Variants in CMTM5 observed in about 807,000 individuals in gnomAD.
CMTM5 encodes CKLF-like MARVEL transmembrane domain-containing protein 5.
In CMTM5, 25 loss-of-function variants were observed where a neutral mutation model predicts 26.9. The observed-to-expected ratio is 0.93, with a 90% CI of 0.68 to 1.30. CMTM5 has a LOEUF of 1.30. Ranked by LOEUF, CMTM5 falls within the 50% of genes most tolerant of loss-of-function variation. The pLI, the probability that CMTM5 is intolerant of heterozygous loss-of-function variation, is 0.00. For synonymous variants in CMTM5, 98 were observed against 115.5 expected (o/e 0.85, Z 0.97); for missense variants, 292 against 289.6 (o/e 1.01, Z -0.06).
At position 23,379,371 on chromosome 14, in the gene CMTM5, G is replaced by A. The variant is rs772690985; in HGVS notation, c.646G>A (p.Gly216Arg). ...FKIYRTEMAPGASQGDQQ is the reference protein window; with the variant it reads ...FKIYRTEMAPRASQGDQQ The stretch of plus-strand genomic sequence containing the variant: ...GATCTACCGGACTGAGATGGCACCC[G>A]GGGCCAGCCAGGGTGAGTGCCTGTG... The change falls in exon 5 of 6, where the codon GGG becomes AGG. Residue 216 changes from glycine to arginine, a missense_variant. Transcript: ENST00000339180. The A allele has an allele frequency of 1.2e-5, 20 of 1,613,978 alleles. No individual in the cohort carries two copies. Among genetic ancestry groups the A allele is most frequent in the South Asian group, 6.6e-5 (6 of 91,078 alleles).
chr14:23,379,370 C>T lies in CMTM5; in HGVS notation c.645C>T (p.Pro215=), dbSNP rs146554548. 919 of 1,614,146 alleles carry T rather than the reference C, an allele frequency of 5.7e-4. 2 individuals carry two copies. The African/African-American group carries it at 9.1e-3, about 16-fold the overall frequency. The change falls in exon 5 of 6, where the codon CCC becomes CCT. Residue 215 remains proline, a synonymous_variant. Transcript: ENST00000339180. ...AGATCTACCGGACTGAGATGGCACC[C>T]GGGGCCAGCCAGGGTGAGTGCCTGT... ...AFKIYRTEMA[P]GASQGDQQ is the part of the protein sequence containing the mutation.
Position 23,377,649 on chromosome 14 carries a change from G to A in CMTM5, c.126+272G>A. On this transcript the variant is annotated intron_variant, in intron 1 of 5. Transcript: ENST00000339180. This position sits in a 1 kb window ranked among gnomAD's most constrained non-coding sequence, Gnocchi z 4.6. ...GACATTGAGGAAGCTTGAGACATAGGGATGGGACAGGGGCAATGACAGCCT... is the reference window on the plus strand; with the variant it reads ...GACATTGAGGAAGCTTGAGACATAGAGATGGGACAGGGGCAATGACAGCCT... The A allele has an allele frequency of 2.6e-6, 1 of 385,778 alleles. No individual in the cohort carries two copies. Among genetic ancestry groups the A allele is most frequent in the Non-Finnish European group, 4.6e-6 (1 of 215,778 alleles). 23.9% of individuals were successfully genotyped at this position (385,778 alleles called of 1,614,324 possible).
Position 23,378,681 on chromosome 14 carries a change from G to C in CMTM5, c.292G>C (p.Gly98Arg). The change falls in exon 3 of 6, where the codon GGG (glycine) becomes CGG (arginine). Residue 98 changes from glycine (G) to arginine (R), a missense_variant. Coordinates refer to ENST00000339180, the MANE Select transcript of CMTM5 (RefSeq NM_001288746.2). This position sits in a 1 kb window ranked among gnomAD's most constrained non-coding sequence, Gnocchi z 4.2. The stretch of plus-strand genomic sequence containing the variant: ...ACTGATTTCACAGCTGCAGGGCCAC[G>C]GGCAATCAGGAGGACCACATCCGCT... ...INWPCLLQGH[G>R]QSGGPHPLDL... 1 of 1,613,060 alleles carries C rather than the reference G, an allele frequency of 6.2e-7. No individual in the cohort carries two copies.
chr14:23,379,335 G>A lies in CMTM5; in HGVS notation c.610G>A (p.Asp204Asn). 1 of 1,614,120 alleles carries A rather than the reference G, an allele frequency of 6.2e-7. No individual in the cohort carries two copies. ...CATCCTGGTTTCCATCTTTGCCTAT[G>A]ATGCCTTCAAGATCTACCGGACTGA... ...GIILVSIFAY[D>N]AFKIYRTEMA... is the part of the protein sequence containing the mutation. The change falls in exon 5 of 6, where the codon GAT becomes AAT. Residue 204 changes from aspartate to asparagine, a missense_variant. Physicochemically the swap from Asp to Asn is conservative, Grantham distance 23 (BLOSUM62 1). Coordinates refer to ENST00000339180, the MANE Select transcript of CMTM5 (RefSeq NM_001288746.2).
rs1283644465 is a variant in CMTM5 at position 23,378,621 on chromosome 14, C to T, written c.280-48C>T. ...CACCACAGCTGGGCTTTGTCCCATGCTATGCCCTGCACTCAAAGGTGTGCT... is the reference window on the plus strand; with the variant it reads ...CACCACAGCTGGGCTTTGTCCCATGTTATGCCCTGCACTCAAAGGTGTGCT... On this transcript the variant is annotated intron_variant, in intron 2 of 5. Coordinates refer to ENST00000339180, the MANE Select transcript of CMTM5 (RefSeq NM_001288746.2). This position sits in a 1 kb window ranked among gnomAD's most constrained non-coding sequence, Gnocchi z 4.2. 5.0e-6 allele frequency: 8 copies of T among 1,610,448 alleles called. No individual in the cohort carries two copies. The African/African-American group carries it at 8.0e-5, about 16-fold the overall frequency.
rs1050931250 is a variant in CMTM5 at position 23,378,079 on chromosome 14, G to A, written c.127-270G>A. 9.6e-6 allele frequency: 5 copies of A among 523,548 alleles called. No individual in the cohort carries two copies. The highest frequency in any genetic ancestry group is 1.9e-5 in the African/African-American group (1 of 52,122). 32.4% of individuals were successfully genotyped at this position (523,548 alleles called of 1,614,324 possible). Reference sequence around the variant, plus strand: ...ACACTGTACCTATGAATTACTGTGGGATAGTGCTCCTGGGAGCCATATGGC... The same window carrying A: ...ACACTGTACCTATGAATTACTGTGGAATAGTGCTCCTGGGAGCCATATGGC... On this transcript the variant is annotated intron_variant, in intron 1 of 5. Coordinates refer to ENST00000339180, the MANE Select transcript of CMTM5 (RefSeq NM_001288746.2). This position sits in a 1 kb window ranked among gnomAD's most constrained non-coding sequence, Gnocchi z 4.2.
Position 23,377,107 on chromosome 14 carries a change from G to C in CMTM5, c.-145G>C. ...GCCCCCAGCGCCTGCCTTCTCTCCC[G>C]GGGCCCTGTGGGCAAGCCTCCTGCT... On this transcript the variant is annotated 5_prime_UTR_variant, in exon 1 of 6. Coordinates refer to ENST00000339180, the MANE Select transcript of CMTM5 (RefSeq NM_001288746.2). This position sits in a 1 kb window ranked among gnomAD's most constrained non-coding sequence, Gnocchi z 4.6. The C allele has an allele frequency of 1.8e-6, 2 of 1,141,100 alleles. No individual in the cohort carries two copies. Among genetic ancestry groups the C allele is most frequent in the Non-Finnish European group, 2.5e-6 (2 of 807,080 alleles). The allele number at this position is 1,141,100 out of a possible 1,614,324, so 70.7% of individuals were successfully genotyped here.
In CMTM5 at chr14:23,378,203, G is replaced by A; in HGVS notation, c.127-146G>A. On this transcript the variant is annotated intron_variant, in intron 1 of 5. Transcript: ENST00000339180. This position sits in a 1 kb window ranked among gnomAD's most constrained non-coding sequence, Gnocchi z 4.2. ...GCAACGGTGGCTCCTGACACCAGGGGATAGGGAGATGTGCCAGAGTCCTTC... is the reference window on the plus strand; with the variant it reads ...GCAACGGTGGCTCCTGACACCAGGGAATAGGGAGATGTGCCAGAGTCCTTC... 3 of 835,216 alleles carry A rather than the reference G, an allele frequency of 3.6e-6. No individual in the cohort carries two copies. Among genetic ancestry groups the A allele is most frequent in the Non-Finnish European group, 3.7e-6 (2 of 544,516 alleles). 51.7% of individuals were successfully genotyped at this position (835,216 alleles called of 1,614,324 possible).
Position 23,377,558 on chromosome 14 carries a change from G to T in CMTM5, c.126+181G>T. The T allele has an allele frequency of 1.6e-6, 1 of 613,310 alleles. No homozygotes were observed. 38.0% of individuals were successfully genotyped at this position (613,310 alleles called of 1,614,324 possible). A position where few individuals can be genotyped will look rare whatever the true frequency, so the allele number is the denominator to read the frequency against. On this transcript the variant is annotated intron_variant, in intron 1 of 5. Coordinates refer to ENST00000339180, the MANE Select transcript of CMTM5 (RefSeq NM_001288746.2). The surrounding 1 kb of genome is among the most constrained non-coding windows in gnomAD (Gnocchi z 4.6). ...CTGCCTTCTTGCTGCCTCTCCACCC[G>T]GAGACATTTACAGCAGGTTTCAGTT...
At position 23,379,346 on chromosome 14, in the gene CMTM5, G is replaced by T; in HGVS notation, c.621G>T (p.Lys207Asn). ...LVSIFAYDAF[K>N]IYRTEMAPGA... Reference sequence around the variant, plus strand: ...CCATCTTTGCCTATGATGCCTTCAAGATCTACCGGACTGAGATGGCACCCG... The same window carrying T: ...CCATCTTTGCCTATGATGCCTTCAATATCTACCGGACTGAGATGGCACCCG... The change falls in exon 5 of 6, where the codon AAG (lysine) becomes AAT (asparagine). Residue 207 changes from lysine to asparagine, a missense_variant. By Grantham distance (94) the Lys-to-Asn change is moderately conservative (BLOSUM62 0). Transcript: ENST00000339180. 1 of 1,614,166 alleles carries T rather than the reference G, an allele frequency of 6.2e-7. No individual in the cohort carries two copies.
Position 23,379,392 on chromosome 14 carries a change from C to G in CMTM5, c.658+9C>G. The G allele has an allele frequency of 3.7e-6, 6 of 1,614,140 alleles. No individual in the cohort carries two copies. The highest frequency in any genetic ancestry group is 5.1e-6 in the Non-Finnish European group (6 of 1,180,020). ...ACCCGGGGCCAGCCAGGGTGAGTGC[C>G]TGTGCTCTGTGGAGAGGAGATGCCC... On this transcript the variant is annotated intron_variant, in intron 5 of 5. Transcript: ENST00000339180.
Position 23,377,822 on chromosome 14 carries a change from T to G in CMTM5, c.126+445T>G, listed in dbSNP as rs1205091328. 3 of 182,254 alleles carry G rather than the reference T, an allele frequency of 1.6e-5. No homozygotes were observed. Among genetic ancestry groups the G allele is most frequent in the Non-Finnish European group, 3.4e-5 (3 of 88,146 alleles). 11.3% of individuals were successfully genotyped at this position (182,254 alleles called of 1,614,324 possible). ...CCCTGGTTACTTAGCAAGACCACAG[T>G]GTAGAGTTAAGGCCTCTGCACGTAT... On this transcript the variant is annotated intron_variant, in intron 1 of 5. Transcript: ENST00000339180. The surrounding 1 kb of genome is among the most constrained non-coding windows in gnomAD (Gnocchi z 4.6).
chr14:23,378,250 T>G lies in CMTM5; in HGVS notation c.127-99T>G. ...CTTCCTCCCCTCCAAGGACAGGTAGTAGGTGCCAGCCTAGGGGAGCTTCCA... is the reference window on the plus strand; with the variant it reads ...CTTCCTCCCCTCCAAGGACAGGTAGGAGGTGCCAGCCTAGGGGAGCTTCCA... On this transcript the variant is annotated intron_variant, in intron 1 of 5. Coordinates refer to ENST00000339180, the MANE Select transcript of CMTM5 (RefSeq NM_001288746.2). This position sits in a 1 kb window ranked among gnomAD's most constrained non-coding sequence, Gnocchi z 4.2. 7.6e-7 allele frequency: 1 copy of G among 1,314,586 alleles called. No homozygotes were observed. Among genetic ancestry groups the G allele is most frequent in the Non-Finnish European group, 1.1e-6 (1 of 945,560 alleles). The allele number at this position is 1,314,586 out of a possible 1,614,324, so 81.4% of individuals were successfully genotyped here.
rs917819509 is a variant in CMTM5 at position 23,378,948 on chromosome 14, G to A, written c.480+79G>A. The A allele has an allele frequency of 2.1e-5, 34 of 1,604,640 alleles. No individual in the cohort carries two copies. Among genetic ancestry groups the A allele is most frequent in the African/African-American group, 8.0e-5 (6 of 74,690 alleles). ...GAGGGGTTCAGAATCCCTCAGGGTC[G>A]GGCTGCTGGCTAGCCTGGAAAACTT... On this transcript the variant is annotated intron_variant, in intron 3 of 5. Coordinates refer to ENST00000339180, the MANE Select transcript of CMTM5 (RefSeq NM_001288746.2). The surrounding 1 kb of genome is among the most constrained non-coding windows in gnomAD (Gnocchi z 4.2).
chr14:23,377,105 C>T lies in CMTM5; in HGVS notation c.-147C>T, dbSNP rs1029599034. The T allele has an allele frequency of 9.6e-6, 11 of 1,142,606 alleles. No homozygotes were observed. The African/African-American group carries it at 1.4e-4, about 15-fold the overall frequency. The allele number at this position is 1,142,606 out of a possible 1,614,324, so 70.8% of individuals were successfully genotyped here. On this transcript the variant is annotated 5_prime_UTR_variant, in exon 1 of 6. Transcript: ENST00000339180. This position sits in a 1 kb window ranked among gnomAD's most constrained non-coding sequence, Gnocchi z 4.6. The stretch of plus-strand genomic sequence containing the variant: ...AGGCCCCCAGCGCCTGCCTTCTCTC[C>T]CGGGGCCCTGTGGGCAAGCCTCCTG...
chr14:23,377,050 T>C lies in CMTM5; in HGVS notation c.-202T>C, dbSNP rs1890586285. 4.7e-6 allele frequency: 3 copies of C among 632,282 alleles called. No homozygotes were observed. The highest frequency in any genetic ancestry group is 8.0e-6 in the Non-Finnish European group (3 of 375,786). 39.2% of individuals were successfully genotyped at this position (632,282 alleles called of 1,614,324 possible). A position where few individuals can be genotyped will look rare whatever the true frequency, so the allele number is the denominator to read the frequency against. The stretch of plus-strand genomic sequence containing the variant: ...GGTGCAGGCAGCAGCAGAGGCACTC[T>C]GGGCAGCTGGGTGAGGGCCCATCTG... On this transcript the variant is annotated 5_prime_UTR_variant, in exon 1 of 6. Coordinates refer to ENST00000339180, the MANE Select transcript of CMTM5 (RefSeq NM_001288746.2). The surrounding 1 kb of genome is among the most constrained non-coding windows in gnomAD (Gnocchi z 4.6).
In CMTM5 at chr14:23,378,448, C is replaced by T. The variant is rs1052036821; in HGVS notation, c.226C>T (p.Leu76Phe). ...EFFITLAFLFLYATQYYQRFD... is the reference protein window; with the variant it reads ...EFFITLAFLFFYATQYYQRFD... ...CTTCATCACACTTGCCTTCCTCTTCCTCTATGCCACCCAGTACTACCAGCG... is the reference window on the plus strand; with the variant it reads ...CTTCATCACACTTGCCTTCCTCTTCTTCTATGCCACCCAGTACTACCAGCG... The change falls in exon 2 of 6, where the codon CTC becomes TTC. Residue 76 changes from leucine to phenylalanine, a missense_variant. Coordinates refer to ENST00000339180, the MANE Select transcript of CMTM5 (RefSeq NM_001288746.2). The surrounding 1 kb of genome is among the most constrained non-coding windows in gnomAD (Gnocchi z 4.2). 6.2e-7 allele frequency: 1 copy of T among 1,614,038 alleles called. No individual in the cohort carries two copies.
chr14:23,379,748 C>A lies in CMTM5; in HGVS notation c.*261C>A. On this transcript the variant is annotated 3_prime_UTR_variant, in exon 6 of 6. Transcript: ENST00000339180. The stretch of plus-strand genomic sequence containing the variant: ...GAGGAATCTGGACCTCTAAGTCATT[C>A]CCAAATTAAAATATTCAAATTCTAC... 3 of 838,932 alleles carry A rather than the reference C, an allele frequency of 3.6e-6. No homozygotes were observed. The highest frequency in any genetic ancestry group is 3.7e-5 in the South Asian group (2 of 53,634). The allele number at this position is 838,932 out of a possible 1,614,324, so 52.0% of individuals were successfully genotyped here.
Position 23,379,607 on chromosome 14 carries a change from G to T in CMTM5, c.*120G>T, listed in dbSNP as rs1473993433. ...AACCCCACCCCAGCCCTACACAGCA[G>T]TCTGGCCTGAGACGTCACTGGGGAC... On this transcript the variant is annotated 3_prime_UTR_variant, in exon 6 of 6. Transcript: ENST00000339180. 6.5e-7 allele frequency: 1 copy of T among 1,537,884 alleles called. No individual in the cohort carries two copies. Among genetic ancestry groups the T allele is most frequent in the Non-Finnish European group, 8.7e-7 (1 of 1,147,792 alleles).
Sources: allele counts gnomAD v4.1 joint callset, GRCh38; gene constraint gnomAD v4.1.1; non-coding constraint Gnocchi (gnomAD v3.1); transcripts MANE v1.5; gene names NCBI Gene and HGNC (gene_info 2026-07-23, HGNC 2026-07-21).